The following GARNL3 variants were observed in gnomAD, a reference collection of about 807,000 sequenced individuals.
The protein encoded by GARNL3 is GTPase activating Rap/RanGAP domain like 3, also known as GTPase-activating Rap/Ran-GAP domain-like protein 3.
In GARNL3, 63 loss-of-function variants were observed where a neutral mutation model predicts 125.0. That is an observed-to-expected ratio of 0.50 (90% CI 0.41 to 0.62). The LOEUF is 0.62. Among genes scored for constraint, GARNL3 ranks in the 20% least tolerant of loss-of-function variants. The pLI is 0.00. For missense variants in GARNL3, 994 were observed against 1,244.0 expected, an observed-to-expected ratio of 0.80 and a Z score of 3.02; for synonymous variants, 439 against 457.5, an observed-to-expected ratio of 0.96 and a Z score of 0.52.
At chr9:127,231,050 ATT>A (rs71308298) in intron 1 of GARNL3, among the ~76,000 whole-genome samples, 19 of 89,540 alleles carry the variant, frequency 2.1e-4, no homozygotes, top group East Asian at 8.7e-4. Flanking sequence ...ATATATATAT[ATT>A]TTTTTTTTTT....
chr9:127,316,440 G>A (rs1419286015), intron 4 of GARNL3, among the ~76,000 whole-genome samples: 1 of 152,118 alleles, frequency 6.6e-6, no homozygotes, highest in Non-Finnish European at 1.5e-5. Context: ...AGGTAGTCAA[G>A]GTAGGATCTA....
intron 2 of GARNL3, among the ~76,000 whole-genome samples, chr9:127,255,834 C>G (rs187532226): frequency 3.3e-5 from 5 of 152,158 alleles, no homozygotes; most frequent in Non-Finnish European, 5.9e-5. Context: ...AAAGACCACA[C>G]TGAGCAGCAG....
upstream of GARNL3, among the ~76,000 whole-genome samples, chr9:127,261,802 T>C (rs1023136075): frequency 6.6e-6 from 1 of 152,196 alleles, no homozygotes; most frequent in African/African-American, 2.4e-5. Context: ...TTGTTCGGGA[T>C]CCAGAAACTG....
At chr9:127,329,131 G>A (rs1829062144) in intron 7 of GARNL3, among the ~76,000 whole-genome samples, 1 of 152,238 alleles carries the variant, frequency 6.6e-6, no homozygotes. Context: ...TCTGGAGATA[G>A]GTGAAAACTG....
intron 7 of GARNL3, among the ~76,000 whole-genome samples, chr9:127,328,638 A>G (rs1829031102): frequency 6.6e-6 from 1 of 152,150 alleles, no homozygotes; most frequent in African/African-American, 2.4e-5. Context: ...TTGCCTAAAC[A>G]AGAGTAACAA....
At chr9:127,333,930 A>G (rs1308708696) in intron 9 of GARNL3, among the ~76,000 whole-genome samples, 1 of 152,206 alleles carries the variant, frequency 6.6e-6, no homozygotes, top group Non-Finnish European at 1.5e-5. Flanking sequence ...GAGGCAGAGG[A>G]GAAGCCTGCT....
intron 20 of GARNL3, chr9:127,356,410 C>T (rs1564174082): frequency 6.6e-6 from 1 of 152,170 alleles, no homozygotes; most frequent in Admixed American, 6.5e-5. Context: ...CTGACATCAC[C>T]ATCTCTTATC....
intron 2 of GARNL3, among the ~76,000 whole-genome samples, chr9:127,256,944 T>C (rs74772524): frequency 0.028 from 4,296 of 152,298 alleles, 200 homozygotes; most frequent in African/African-American, 0.099. Context: ...CCCCAAAGGC[T>C]CTCTCATGTT....
chr9:127,345,724 G>A (rs1387720070), intron 16 of GARNL3, among the ~76,000 whole-genome samples: 1 of 152,242 alleles, frequency 6.6e-6, no homozygotes, highest in Admixed American at 6.5e-5. Flanking sequence ...GGTCAGGCAG[G>A]CCAGGCCCCA....
rs900737791 is a variant in GARNL3 at position 127,392,315 on chromosome 9, T to G, written c.2871-768T>G. On this transcript the variant is annotated intron_variant, in intron 27 of 27. Transcript: ENST00000373387. The surrounding 1 kb of genome is among the most constrained non-coding windows in gnomAD (Gnocchi z 5.2). The stretch of plus-strand genomic sequence containing the variant: ...AGTGCTACAAGAAATTGAGAAGAAG[T>G]GACGGGGCTGGCACATAGAAGGTCT... Among the ~76,000 whole-genome samples the G allele has an allele frequency of 2.0e-5, 3 of 152,124 alleles. No homozygotes were observed. In the East Asian group the frequency reaches 5.8e-4, roughly 29 times the overall value.
intron 17 of GARNL3, among the ~76,000 whole-genome samples, chr9:127,353,365 A>C (rs1830511178): frequency 1.3e-5 from 2 of 152,222 alleles, no homozygotes; most frequent in African/African-American, 4.8e-5. Context: ...ATTTATCTTA[A>C]GTCCAAAAGG....
At chr9:127,319,695 A>G (rs1172073424) in intron 5 of GARNL3, among the ~76,000 whole-genome samples, 2 of 152,190 alleles carry the variant, frequency 1.3e-5, no homozygotes, top group African/African-American at 4.8e-5. Context: ...CTTTCAAGGA[A>G]CTATAAATCT....
intron 24 of GARNL3, chr9:127,386,987 G>A: frequency 2.2e-6 from 1 of 456,598 alleles, no homozygotes; most frequent in Non-Finnish European, 3.9e-6. Flanking sequence ...AAGTGGCGGG[G>A]AGTGGAATAC....
chr9:127,378,011 C>T (rs568219399), intron 22 of GARNL3, among the ~76,000 whole-genome samples: 114 of 151,654 alleles, frequency 7.5e-4, no homozygotes, highest in African/African-American at 2.4e-3. Context: ...GAAACCAAGT[C>T]GGACAGATCA....
In GARNL3 at chr9:127,266,514, A is replaced by T. The variant is rs1309933762; in HGVS notation, c.144+1493A>T. ...TGTGACCAGTCAGGTTACTTCTCTG[A>T]ACCTCAGTAATGCTGAAGAACATGT... On this transcript the variant is annotated intron_variant, in intron 1 of 27. Coordinates refer to ENST00000373387, the MANE Select transcript of GARNL3 (RefSeq NM_032293.5). The surrounding 1 kb of genome is among the most constrained non-coding windows in gnomAD (Gnocchi z 4.0). 6.6e-6 allele frequency among the ~76,000 whole-genome samples: 1 copy of T among 152,214 alleles called. No homozygotes were observed. The highest frequency in any genetic ancestry group is 1.5e-5 in the Non-Finnish European group (1 of 68,036).
intron 1 of GARNL3, 76 bp downstream of exon 1, chr9:127,265,097 T>C (rs1471185520): frequency 6.1e-6 from 8 of 1,314,160 alleles, no homozygotes; most frequent in Non-Finnish European, 8.5e-6. Flanking sequence ...ATCAGATCTT[T>C]TGTTGTATAT....
At chr9:127,265,499 T>C (rs2063684885) in intron 1 of GARNL3, among the ~76,000 whole-genome samples, 2 of 152,194 alleles carry the variant, frequency 1.3e-5, no homozygotes, top group African/African-American at 4.8e-5. Flanking sequence ...ACTAGATAAA[T>C]GACTATTATG....
chr9:127,270,048 T>C (rs1295746883), intron 1 of GARNL3, among the ~76,000 whole-genome samples: 1 of 152,236 alleles, frequency 6.6e-6, no homozygotes, highest in African/African-American at 2.4e-5. Flanking sequence ...TGTTTTCTTC[T>C]AAGGCTTTTA....
At chr9:127,246,035 C>T (rs924565436) in intron 2 of GARNL3, among the ~76,000 whole-genome samples, 3 of 152,164 alleles carry the variant, frequency 2.0e-5, no homozygotes, top group African/African-American at 7.2e-5. Context: ...TTGGGTCTTA[C>T]ACTAGGTACC....
Sources: gnomAD v4.1 joint callset for allele counts (sites outside exome capture counted in the v4.1 genomes callset) on GRCh38, gnomAD v4.1.1 for gene constraint, Gnocchi (gnomAD v3.1) non-coding constraint, MANE v1.5 for transcripts, NCBI Gene and HGNC (gene_info 2026-07-23, HGNC 2026-07-21) for gene names.